The following RPA3 variants were observed in gnomAD, a reference collection of about 807,000 sequenced individuals.
The protein encoded by RPA3 is replication protein A3.
A neutral mutation model predicts 13.7 loss-of-function variants in RPA3; 24 were observed. The observed-to-expected ratio is 1.75, with a 90% confidence interval of 1.27 to 2.46. The LOEUF (loss-of-function observed/expected upper bound fraction) is 2.46. Among genes scored for constraint, RPA3 ranks in the 30% most tolerant of loss-of-function variants. The probability of loss-of-function intolerance (pLI) is 0.00; values close to 1 mark genes in which losing one functional copy is unlikely to be tolerated. For synonymous variants in RPA3, 59 were observed against 51.2 expected, an observed-to-expected ratio of 1.15 and a Z score of -0.65; for missense variants, 183 against 151.0, an observed-to-expected ratio of 1.21 and a Z score of -1.11.
intron 2 of RPA3, among the ~76,000 whole-genome samples, chr7:7,714,138 C>T (rs917665651): frequency 3.3e-5 from 5 of 152,224 alleles, no homozygotes; most frequent in African/African-American, 1.2e-4. Context: ...GAGGGTGGTA[C>T]AAATGATAGA....
chr7:7,711,476 T>G (rs1407551283), intron 2 of RPA3, among the ~76,000 whole-genome samples: 1 of 152,216 alleles, frequency 6.6e-6, no homozygotes, highest in Non-Finnish European at 1.5e-5. Context: ...TTTAAGGATA[T>G]TGTACTTCAA....
At chr7:7,665,644 A>G (rs4720750) in intron 4 of RPA3, among the ~76,000 whole-genome samples, 119,090 of 152,118 alleles carry the variant, frequency 0.78, 46,544 homozygotes, top group East Asian at 0.81. Context: ...CATCACTTCC[A>G]AGAGTTTCCT....
At chr7:7,706,951 C>T (rs532240616) in intron 2 of RPA3, among the ~76,000 whole-genome samples, 1 of 152,268 alleles carries the variant, frequency 6.6e-6, no homozygotes, top group East Asian at 1.9e-4. Context: ...GCAAATCTTT[C>T]CTAATGCCAG....
At chr7:7,638,690 C>T (rs1477901615) in intron 6 of RPA3, 4 of 159,482 alleles carry the variant, frequency 2.5e-5, no homozygotes, top group African/African-American at 9.6e-5. Context: ...GATGGTGCCA[C>T]TGCATTCCAC....
At chr7:7,643,481 C>A (rs1012716459) in intron 4 of RPA3, among the ~76,000 whole-genome samples, 1 of 152,176 alleles carries the variant, frequency 6.6e-6, no homozygotes, top group Non-Finnish European at 1.5e-5. Flanking sequence ...GAGGCTGAAG[C>A]GGGTGGATCA....
intron 2 of RPA3, among the ~76,000 whole-genome samples, chr7:7,709,969 G>C (rs1354263122): frequency 6.6e-6 from 1 of 151,940 alleles, no homozygotes; most frequent in African/African-American, 2.4e-5. Context: ...TTTTTAAATA[G>C]TGTTAACATA....
intron 4 of RPA3, among the ~76,000 whole-genome samples, chr7:7,649,171 A>G (rs1187275077): frequency 2.8e-5 from 4 of 141,992 alleles, no homozygotes; most frequent in Admixed American, 7.2e-5. Context: ...AAAAAAAAAA[A>G]AAAAAAAAGA....
At chr7:7,659,482 C>G (rs964794355) in intron 4 of RPA3, among the ~76,000 whole-genome samples, 1 of 152,154 alleles carries the variant, frequency 6.6e-6, no homozygotes, top group Non-Finnish European at 1.5e-5. Context: ...TTAGATGTGT[C>G]CCAGGGATTC....
chr7:7,710,078 C>G (rs931831850), intron 2 of RPA3, among the ~76,000 whole-genome samples: 14 of 152,196 alleles, frequency 9.2e-5, no homozygotes, highest in African/African-American at 3.4e-4. Context: ...GCCTCTCTCA[C>G]TCAGTATCAT....
chr7:7,649,175 A>AG (rs58651463), intron 4 of RPA3, among the ~76,000 whole-genome samples: 31,408 of 103,918 alleles, frequency 0.3, 5,215 homozygotes, highest in African/African-American at 0.55. Flanking sequence ...AAAAAAAAAA[A>AG]AAAAGAAAAG....
chr7:7,705,336 A>G (rs1169273906), intron 2 of RPA3, among the ~76,000 whole-genome samples: 5 of 152,264 alleles, frequency 3.3e-5, no homozygotes, highest in African/African-American at 9.6e-5. Context: ...ATGTTTAATC[A>G]TAATAACCAC....
At chr7:7,709,972 T>A (rs185454348) in intron 2 of RPA3, among the ~76,000 whole-genome samples, 1 of 152,280 alleles carries the variant, frequency 6.6e-6, no homozygotes, top group Non-Finnish European at 1.5e-5. Flanking sequence ...TTAAATAGTG[T>A]TAACATATTT....
intron 2 of RPA3, among the ~76,000 whole-genome samples, chr7:7,709,582 GAAT>G (rs1780697882): frequency 6.6e-6 from 1 of 152,196 alleles, no homozygotes; most frequent in Non-Finnish European, 1.5e-5. Flanking sequence ...TGTGGGATAA[GAAT>G]GGTTTGTCAG....
At chr7:7,682,778 A>T (rs1563118517) in intron 4 of RPA3, among the ~76,000 whole-genome samples, 1 of 152,202 alleles carries the variant, frequency 6.6e-6, no homozygotes, top group Non-Finnish European at 1.5e-5. Flanking sequence ...CATTTAATTT[A>T]CTTAGCAGTT....
At chr7:7,680,506 A>G (rs1182093868) in intron 4 of RPA3, among the ~76,000 whole-genome samples, 1 of 152,078 alleles carries the variant, frequency 6.6e-6, no homozygotes, top group African/African-American at 2.4e-5. Flanking sequence ...TGCTTAGAAC[A>G]GTTTTGGCTT....
intron 4 of RPA3, among the ~76,000 whole-genome samples, chr7:7,657,256 G>A (rs879442353): frequency 5.7e-4 from 74 of 129,408 alleles, no homozygotes; most frequent in Admixed American, 2.4e-3. Context: ...CTCCCTTTCT[G>A]TAGGTTGCCA....
chr7:7,704,753 C>T (rs915071501), intron 2 of RPA3, among the ~76,000 whole-genome samples: 6 of 109,504 alleles, frequency 5.5e-5, no homozygotes, highest in South Asian at 3.0e-4. Flanking sequence ...GGTGACAGAG[C>T]GAGACTCCAT....
At chr7:7,642,208 C>A (rs1293336928) in intron 4 of RPA3, among the ~76,000 whole-genome samples, 1 of 152,144 alleles carries the variant, frequency 6.6e-6, no homozygotes, top group East Asian at 1.9e-4. Flanking sequence ...GCACATAGCT[C>A]ACTGCAGCCT....
At chr7:7,670,131 G>T (rs1475256014) in intron 4 of RPA3, among the ~76,000 whole-genome samples, 1 of 152,140 alleles carries the variant, frequency 6.6e-6, no homozygotes, top group African/African-American at 2.4e-5. Context: ...TTAAAAACAG[G>T]TTGTTTGTTT....
Sources: gnomAD v4.1 joint callset for allele counts (sites outside exome capture counted in the v4.1 genomes callset) on GRCh38, gnomAD v4.1.1 for gene constraint, MANE v1.5 for transcripts, NCBI Gene and HGNC (gene_info 2026-07-23, HGNC 2026-07-21) for gene names.